The following FHOD3 variants were observed in gnomAD, a reference collection of about 807,000 sequenced individuals.
FHOD3 encodes FH1/FH2 domain-containing protein 3.
Under a neutral mutation model 173.0 loss-of-function variants are expected in FHOD3, and 90 were observed. The observed-to-expected ratio is 0.52, with a 90% CI of 0.44 to 0.62. The LOEUF (loss-of-function observed/expected upper bound fraction) is 0.62, where lower values mean the gene tolerates loss of function less well. Among genes scored for constraint, FHOD3 ranks in the 20% least tolerant of loss-of-function variants. FHOD3 has a pLI of 0.00. For missense variants in FHOD3, 1,945 were observed against 2,034.7 expected (o/e 0.96, Z 0.85); for synonymous variants, 828 against 823.0 (o/e 1.01, Z -0.10).
intron 3 of FHOD3, among the ~76,000 whole-genome samples, chr18:36,420,177 C>G (rs369373435): frequency 6.6e-6 from 1 of 152,170 alleles, no homozygotes; most frequent in South Asian, 2.1e-4. Context: ...TCCACACTCT[C>G]TCGGGCCTCT....
chr18:36,705,290 C>T (rs749460187), intron 17 of FHOD3, among the ~76,000 whole-genome samples: 10 of 152,224 alleles, frequency 6.6e-5, no homozygotes, highest in Non-Finnish European at 1.5e-4. Flanking sequence ...CCCTCCGGCA[C>T]GCAGTGGGCT....
chr18:36,356,021 T>G (rs1380821588), intron 2 of FHOD3, among the ~76,000 whole-genome samples: 2 of 152,214 alleles, frequency 1.3e-5, no homozygotes, highest in Non-Finnish European at 2.9e-5. Flanking sequence ...CGCTTGAGTC[T>G]GGGAGGCCGA....
intron 4 of FHOD3, among the ~76,000 whole-genome samples, chr18:36,512,064 A>G (rs2146321754): frequency 6.6e-6 from 1 of 152,204 alleles, no homozygotes; most frequent in East Asian, 1.9e-4. Flanking sequence ...CTGCAATCAA[A>G]TGTTTCCTGC....
intron 17 of FHOD3, 34 bp downstream of exon 17, chr18:36,693,457 G>C (rs2039082936): frequency 6.3e-7 from 1 of 1,585,370 alleles, no homozygotes; most frequent in African/African-American, 1.3e-5. Context: ...AAAATGAACA[G>C]GTTAACATCA....
At chr18:36,766,848 T>G (rs1413821492) in intron 27 of FHOD3, among the ~76,000 whole-genome samples, 3 of 152,192 alleles carry the variant, frequency 2.0e-5, no homozygotes, top group African/African-American at 7.2e-5. Flanking sequence ...GCTCTGCAAA[T>G]GTATTATGAG....
rs1447062638 is a variant in FHOD3 at position 36,502,311 on chromosome 18, C to T, written c.405+312C>T. ...ATGTGCAAAATGTGCAGGTTTGTTA[C>T]ACAGGCATACATGTGCCATGGTGGT... On this transcript the variant is annotated intron_variant, in intron 4 of 28. Transcript: ENST00000590592. 2.6e-5 allele frequency among the ~76,000 whole-genome samples: 4 copies of T among 151,400 alleles called. No homozygotes were observed. The East Asian group carries it at 7.7e-4, about 29-fold the overall frequency.
At chr18:36,466,030 C>A (rs1452125549) in intron 3 of FHOD3, among the ~76,000 whole-genome samples, 1 of 152,060 alleles carries the variant, frequency 6.6e-6, no homozygotes, top group Non-Finnish European at 1.5e-5. Flanking sequence ...GCCCTTTTCC[C>A]CTCTCTGCCC....
rs377564917 is a variant in FHOD3 at position 36,501,914 on chromosome 18, T to C, written c.338-18T>C. ...AGAGTCAGTTTAATTAATTTATATG[T>C]TTTATTCTTTATTTCAGAAAAACTA... On this transcript the variant is annotated intron_variant, in intron 3 of 28. Transcript: ENST00000590592. The C allele has an allele frequency of 1.9e-6, 3 of 1,554,498 alleles. No homozygotes were observed. Among genetic ancestry groups the C allele is most frequent in the African/African-American group, 2.8e-5 (2 of 72,652 alleles).
chr18:36,395,146 G>A (rs1568215915), intron 3 of FHOD3, among the ~76,000 whole-genome samples: 1 of 143,760 alleles, frequency 7.0e-6, no homozygotes, highest in Non-Finnish European at 1.5e-5. Flanking sequence ...ACTGAGAACA[G>A]TTTAGGTTTT....
chr18:36,755,033 CA>C, intron 24 of FHOD3, 85 bp from the exon 25 acceptor site: 1 of 461,114 alleles, frequency 2.2e-6, no homozygotes, highest in Non-Finnish European at 3.6e-6. Flanking sequence ...TAAGTTCTCA[CA>C]TTGGTTTCTT....
rs765124539 is a variant in FHOD3 at position 36,298,012 on chromosome 18, C to G, written c.165+12C>G. The G allele has an allele frequency of 6.6e-7, 1 of 1,525,442 alleles. No homozygotes were observed. The highest frequency in any genetic ancestry group is 2.1e-5 in the Admixed American group (1 of 48,678). The allele number at this position is 1,525,442 out of a possible 1,614,324, so 94.5% of individuals were successfully genotyped here. A position where few individuals can be genotyped will look rare whatever the true frequency, so the allele number is the denominator to read the frequency against. On this transcript the variant is annotated intron_variant, in intron 1 of 28. Coordinates refer to ENST00000590592, the MANE Select transcript of FHOD3 (RefSeq NM_001281740.3). ...AGGCGCCGCACAAGGTACGACCCGG[C>G]GGGGTGGGCTGGGCCCCCTGGACTC...
intron 10 of FHOD3, among the ~76,000 whole-genome samples, chr18:36,637,705 G>A (rs1568530917): frequency 1.3e-5 from 2 of 152,164 alleles, no homozygotes. Flanking sequence ...CTTTTGAAGC[G>A]AGCCAGCAGG....
At chr18:36,664,543 G>T (rs183801995) in intron 14 of FHOD3, among the ~76,000 whole-genome samples, 1 of 152,126 alleles carries the variant, frequency 6.6e-6, no homozygotes, top group Non-Finnish European at 1.5e-5. Flanking sequence ...GCTAATGGTA[G>T]GTTCACAAAG....
At chr18:36,512,371 C>A (rs1270533980) in intron 4 of FHOD3, 67 bp from the exon 5 acceptor site, 3 of 1,191,846 alleles carry the variant, frequency 2.5e-6, no homozygotes, top group Non-Finnish European at 3.7e-6. Flanking sequence ...ATAGTTTTAG[C>A]AGCACAGCTG....
intron 3 of FHOD3, among the ~76,000 whole-genome samples, chr18:36,479,003 CT>C (rs1343292281): frequency 1.3e-5 from 2 of 152,184 alleles, no homozygotes; most frequent in Admixed American, 6.5e-5. Context: ...ATTTGATGGA[CT>C]TTTATCAACT....
intron 5 of FHOD3, among the ~76,000 whole-genome samples, chr18:36,524,300 A>G (rs1416508657): frequency 6.6e-6 from 1 of 150,930 alleles, no homozygotes; most frequent in Admixed American, 6.6e-5. Flanking sequence ...AAAAAAAAAG[A>G]AAAGAAAAGT....
At chr18:36,654,432 A>G (rs1326003231) in intron 13 of FHOD3, among the ~76,000 whole-genome samples, 3 of 152,220 alleles carry the variant, frequency 2.0e-5, no homozygotes, top group African/African-American at 7.2e-5. Flanking sequence ...AATTGTTGAT[A>G]TAATTTGTCT....
At chr18:36,348,800 C>T (rs889159482) in intron 1 of FHOD3, among the ~76,000 whole-genome samples, 5 of 152,128 alleles carry the variant, frequency 3.3e-5, no homozygotes, top group African/African-American at 1.2e-4. Flanking sequence ...TATTCTTGCT[C>T]TGTGGCATGT....
chr18:36,555,342 G>GT (rs945727181), intron 5 of FHOD3, among the ~76,000 whole-genome samples: 6 of 150,884 alleles, frequency 4.0e-5, no homozygotes, highest in South Asian at 4.2e-4. Flanking sequence ...ATACACCAGA[G>GT]TTTTTTTATT....
Sources: gnomAD v4.1 joint callset for allele counts (sites outside exome capture counted in the v4.1 genomes callset) on GRCh38, gnomAD v4.1.1 for gene constraint, MANE v1.5 for transcripts, NCBI Gene and HGNC (gene_info 2026-07-23, HGNC 2026-07-21) for gene names.